Variants in CADPS2 observed in about 807,000 individuals in gnomAD.
CADPS2 encodes calcium dependent secretion activator 2, also known as calcium-dependent secretion activator 2.
Under a neutral mutation model 172.5 loss-of-function variants are expected in CADPS2, and 93 were observed. The observed-to-expected ratio is 0.54, with a 90% CI of 0.46 to 0.64. CADPS2 has a LOEUF of 0.64. Among genes scored for constraint, CADPS2 ranks in the 30% least tolerant of loss-of-function variants. The probability of loss-of-function intolerance (pLI) is 0.00; values close to 1 mark genes in which losing one functional copy is unlikely to be tolerated. For synonymous variants in CADPS2, 546 were observed against 555.2 expected (o/e 0.98, Z 0.23); for missense variants, 1,420 against 1,565.9 (o/e 0.91, Z 1.57).
At chr7:122,867,803 G>T (rs1048674875) in intron 1 of CADPS2, among the ~76,000 whole-genome samples, 1 of 152,146 alleles carries the variant, frequency 6.6e-6, no homozygotes, top group Non-Finnish European at 1.5e-5. Context: ...GAAAGAGATG[G>T]GAGGCCTCTG....
At chr7:122,559,068 GAC>G (rs1400314409) in intron 7 of CADPS2, among the ~76,000 whole-genome samples, 1 of 152,118 alleles carries the variant, frequency 6.6e-6, no homozygotes, top group Non-Finnish European at 1.5e-5. Context: ...CAAAACAGCA[GAC>G]ACACAGTTGG....
chr7:122,416,465 CAAAG>C (rs1319794099), intron 17 of CADPS2, among the ~76,000 whole-genome samples: 1 of 152,188 alleles, frequency 6.6e-6, no homozygotes, highest in Non-Finnish European at 1.5e-5. Flanking sequence ...GTCAGCGACA[CAAAG>C]AGAGCAGATA....
At chr7:122,818,693 C>T (rs3115949) in intron 1 of CADPS2, among the ~76,000 whole-genome samples, 5 of 152,136 alleles carry the variant, frequency 3.3e-5, no homozygotes, top group African/African-American at 4.8e-5. Flanking sequence ...ACACCTGGTC[C>T]AGCTTACAGT....
At chr7:122,339,832 C>T (rs1253393383) in intron 28 of CADPS2, among the ~76,000 whole-genome samples, 2 of 152,104 alleles carry the variant, frequency 1.3e-5, no homozygotes, top group Non-Finnish European at 2.9e-5. Context: ...TTGCAGTGAG[C>T]CGAGATTCCA....
chr7:122,495,721 G>A (rs886075667), intron 9 of CADPS2, among the ~76,000 whole-genome samples: 13 of 152,100 alleles, frequency 8.5e-5, no homozygotes, highest in African/African-American at 2.9e-4. Context: ...TTTACTGAAT[G>A]TTGCCTAGCT....
rs142333085 is a variant in CADPS2 at position 122,365,162 on chromosome 7, C to A, written c.3388-4149G>T. Among the ~76,000 whole-genome samples the A allele has an allele frequency of 3.9e-5, 6 of 152,268 alleles. No homozygotes were observed. The East Asian group carries it at 1.2e-3, about 29-fold the overall frequency. On this transcript the variant is annotated intron_variant, in intron 25 of 29. Transcript: ENST00000449022. ...AGCATTGGCTTATATACAAGTTAGT[C>A]CTAGGTGTGAACCTGTGGTCTGCTG...
chr7:122,566,806 CT>C (rs2132381604), intron 7 of CADPS2, among the ~76,000 whole-genome samples: 1 of 152,290 alleles, frequency 6.6e-6, no homozygotes, highest in Non-Finnish European at 1.5e-5. Context: ...TCTAGCATAA[CT>C]TTGCATAGGA....
At chr7:122,835,546 G>A (rs75244322) in intron 1 of CADPS2, among the ~76,000 whole-genome samples, 2,364 of 152,276 alleles carry the variant, frequency 0.016, 58 homozygotes, top group African/African-American at 0.054. Context: ...AAAAAGATTA[G>A]ACGAACGGAT....
At chr7:122,539,090 C>T (rs1267653738) in intron 8 of CADPS2, among the ~76,000 whole-genome samples, 1 of 152,072 alleles carries the variant, frequency 6.6e-6, no homozygotes, top group Non-Finnish European at 1.5e-5. Context: ...GCTATATTAA[C>T]CAATACAAAG....
intron 3 of CADPS2, among the ~76,000 whole-genome samples, chr7:122,637,043 ATTGT>A (rs998890742): frequency 2.9e-5 from 4 of 139,164 alleles, no homozygotes; most frequent in African/African-American, 1.0e-4. Flanking sequence ...ATTTTTTTAA[ATTGT>A]TTATTTATTT....
chr7:122,753,870 A>G (rs1230157850), intron 1 of CADPS2, among the ~76,000 whole-genome samples: 1 of 152,072 alleles, frequency 6.6e-6, no homozygotes, highest in East Asian at 1.9e-4. Flanking sequence ...CAATCAATAC[A>G]CTGCAGGTCA....
chr7:122,453,125 T>G (rs570928243), intron 14 of CADPS2, among the ~76,000 whole-genome samples: 2 of 152,154 alleles, frequency 1.3e-5, no homozygotes, highest in South Asian at 4.1e-4. Context: ...TATTCCTAAA[T>G]AGGGAAACAT....
At chr7:122,624,974 C>T (rs749472877) in intron 4 of CADPS2, among the ~76,000 whole-genome samples, 1 of 151,956 alleles carries the variant, frequency 6.6e-6, no homozygotes, top group African/African-American at 2.4e-5. Flanking sequence ...CAGCTTTAAA[C>T]GGGGTGGTAG....
At chr7:122,393,367 G>C in intron 21 of CADPS2, 52 bp from the exon 22 acceptor site, 1 of 1,613,504 alleles carries the variant, frequency 6.2e-7, no homozygotes, top group African/African-American at 1.3e-5. Flanking sequence ...GATAACTACA[G>C]ATGGCCATGT....
chr7:122,597,179 T>TG (rs1274912586), intron 6 of CADPS2, among the ~76,000 whole-genome samples: 1 of 152,066 alleles, frequency 6.6e-6, no homozygotes, highest in East Asian at 1.9e-4. Context: ...ACATGAGGCT[T>TG]GGGGGGTCAA....
intron 1 of CADPS2, among the ~76,000 whole-genome samples, chr7:122,837,754 C>T (rs1034922604): frequency 6.6e-6 from 1 of 152,114 alleles, no homozygotes; most frequent in Non-Finnish European, 1.5e-5. Context: ...CTGAATAGAC[C>T]AATAACAGGC....
At chr7:122,345,435 G>A (rs537952159) in intron 28 of CADPS2, 139 bp downstream of exon 28, 12 of 559,842 alleles carry the variant, frequency 2.1e-5, no homozygotes, top group Non-Finnish European at 3.7e-5. Context: ...ACTATGCCTG[G>A]CCAGCTTCAA....
intron 14 of CADPS2, among the ~76,000 whole-genome samples, chr7:122,464,586 C>A (rs1039726184): frequency 6.6e-6 from 1 of 152,092 alleles, no homozygotes; most frequent in Non-Finnish European, 1.5e-5. Context: ...CAGGATGTCA[C>A]GCGGATATTA....
intron 15 of CADPS2, among the ~76,000 whole-genome samples, chr7:122,448,198 T>C (rs908636296): frequency 1.5e-4 from 23 of 152,182 alleles, no homozygotes; most frequent in Admixed American, 2.0e-4. Flanking sequence ...TTCTAACTCA[T>C]TGTATAAAAT....
Sources: gnomAD v4.1 joint callset for allele counts (sites outside exome capture counted in the v4.1 genomes callset) on GRCh38, gnomAD v4.1.1 for gene constraint, MANE v1.5 for transcripts, NCBI Gene and HGNC (gene_info 2026-07-23, HGNC 2026-07-21) for gene names.